ADAMTSL3: variants seen among roughly 807,000 people sequenced by gnomAD.
The protein encoded by ADAMTSL3 is ADAMTS-like protein 3.
A neutral mutation model predicts 201.7 loss-of-function variants in ADAMTSL3; 128 were observed. That is an observed-to-expected ratio of 0.63 (90% CI 0.55 to 0.73). ADAMTSL3 has a LOEUF of 0.73. ADAMTSL3 is among the 30% of genes least tolerant of loss of function. The pLI is 0.00. For synonymous variants in ADAMTSL3, 738 were observed against 748.4 expected, an observed-to-expected ratio of 0.99 and a Z score of 0.23; for missense variants, 1,990 against 2,119.6, an observed-to-expected ratio of 0.94 and a Z score of 1.20.
At chr15:83,728,970 C>T (rs1166748611) in intron 3 of ADAMTSL3, among the ~76,000 whole-genome samples, 1 of 152,018 alleles carries the variant, frequency 6.6e-6, no homozygotes, top group Non-Finnish European at 1.5e-5. Context: ...TTTTGTTTGT[C>T]TGGGAAAGTC....
intron 6 of ADAMTSL3, among the ~76,000 whole-genome samples, chr15:83,831,139 T>C (rs1417357059): frequency 6.6e-6 from 1 of 152,216 alleles, no homozygotes; most frequent in Non-Finnish European, 1.5e-5. Flanking sequence ...GTCTGCACCT[T>C]ACCTCCTCTT....
intron 4 of ADAMTSL3, among the ~76,000 whole-genome samples, chr15:83,787,056 A>G (rs1272775379): frequency 2.6e-5 from 4 of 152,106 alleles, no homozygotes; most frequent in Non-Finnish European, 5.9e-5. Flanking sequence ...TTTCCGCCTA[A>G]ATCATCCTTT....
chr15:83,735,644 G>A (rs1439098495), intron 3 of ADAMTSL3, among the ~76,000 whole-genome samples: 2 of 151,698 alleles, frequency 1.3e-5, no homozygotes, highest in Non-Finnish European at 2.9e-5. Flanking sequence ...GCTTGTGTTG[G>A]TAATCTCACT....
rs141413638 is a variant in ADAMTSL3 at position 83,714,104 on chromosome 15, AG to A, written c.189+9597del. Among the ~76,000 whole-genome samples the A allele has an allele frequency of 6.4e-4, 97 of 152,328 alleles. No homozygotes were observed. The East Asian group carries it at 0.016, about 25-fold the overall frequency. ...TTCTCTGTGTTTAGTTACCTTTGGT[AG>A]TACTCTTAATCTGCTTTTTGTGTAA... On this transcript the variant is annotated intron_variant, in intron 3 of 29. Coordinates refer to ENST00000286744, the MANE Select transcript of ADAMTSL3 (RefSeq NM_207517.3).
Position 83,763,185 on chromosome 15 carries a change from C to T in ADAMTSL3, c.190-10338C>T, listed in dbSNP as rs117551495. Among the ~76,000 whole-genome samples the T allele has an allele frequency of 5.4e-4, 82 of 152,310 alleles. No homozygotes were observed. The East Asian group carries it at 0.012, about 22-fold the overall frequency. On this transcript the variant is annotated intron_variant, in intron 3 of 29. Coordinates refer to ENST00000286744, the MANE Select transcript of ADAMTSL3 (RefSeq NM_207517.3). Reference sequence around the variant, plus strand: ...GGATTACAGGCATGAGCCACCACACCTGGACTTGATTTACTTTCAAGCTGA... The same window carrying T: ...GGATTACAGGCATGAGCCACCACACTTGGACTTGATTTACTTTCAAGCTGA...
intron 3 of ADAMTSL3, among the ~76,000 whole-genome samples, chr15:83,742,116 C>T (rs1054179422): frequency 1.3e-5 from 2 of 152,056 alleles, no homozygotes; most frequent in Non-Finnish European, 2.9e-5. Flanking sequence ...GTAAATTTCT[C>T]ATATAAGAGA....
rs1045922375 is a variant in ADAMTSL3 at position 83,680,399 on chromosome 15, G to A, written c.70-23990G>A. Among the ~76,000 whole-genome samples the A allele has an allele frequency of 4.6e-5, 7 of 151,818 alleles. No homozygotes were observed. In the East Asian group the frequency reaches 5.8e-4, roughly 13 times the overall value. ...TGGGTGATGGGCAAGGGGGACATGA[G>A]TATACACCATTTTGTCCATAATCCA... On this transcript the variant is annotated intron_variant, in intron 2 of 29. Coordinates refer to ENST00000286744, the MANE Select transcript of ADAMTSL3 (RefSeq NM_207517.3).
At chr15:83,655,684 T>C in intron 1 of ADAMTSL3, 45 bp from the exon 2 acceptor site, 10 of 1,420,008 alleles carry the variant, frequency 7.0e-6, no homozygotes, top group Non-Finnish European at 8.9e-6. Flanking sequence ...TTTACTGCCA[T>C]GGGGGCCAGA....
intron 9 of ADAMTSL3, among the ~76,000 whole-genome samples, chr15:83,877,636 G>A (rs1285987111): frequency 6.6e-6 from 1 of 152,088 alleles, no homozygotes; most frequent in Non-Finnish European, 1.5e-5. Context: ...AAATCTGCTG[G>A]ATTTTGATTG....
intron 19 of ADAMTSL3, among the ~76,000 whole-genome samples, chr15:83,953,009 G>A (rs1309645357): frequency 6.6e-6 from 1 of 152,112 alleles, no homozygotes; most frequent in Non-Finnish European, 1.5e-5. Context: ...TTCAGTCTAT[G>A]TGTATCTTTA....
intron 3 of ADAMTSL3, among the ~76,000 whole-genome samples, chr15:83,710,334 C>A (rs2061916622): frequency 6.6e-6 from 1 of 152,084 alleles, no homozygotes; most frequent in South Asian, 2.1e-4. Context: ...AATGCTTTTG[C>A]CTGTACTCTC....
In ADAMTSL3 at chr15:83,868,337, A is replaced by G. The variant is rs557948070; in HGVS notation, c.803-2465A>G. ...AAAACTTAAAGGTATCCATAAGTCA[A>G]TACATCATCTGAATTGTTGATTGAA... On this transcript the variant is annotated intron_variant, in intron 8 of 29. Transcript: ENST00000286744. Among the ~76,000 whole-genome samples the G allele has an allele frequency of 3.5e-4, 53 of 152,346 alleles. No individual in the cohort carries two copies. In the South Asian group the frequency reaches 8.7e-3, roughly 25 times the overall value.
At chr15:83,770,626 A>G (rs907494188) in intron 3 of ADAMTSL3, among the ~76,000 whole-genome samples, 6 of 152,206 alleles carry the variant, frequency 3.9e-5, no homozygotes, top group African/African-American at 1.2e-4. Flanking sequence ...AGTCTTTCCT[A>G]TACAACTATT....
At chr15:83,835,224 A>T (rs2064242499) in intron 6 of ADAMTSL3, among the ~76,000 whole-genome samples, 1 of 113,684 alleles carries the variant, frequency 8.8e-6, no homozygotes, top group South Asian at 3.4e-4. Flanking sequence ...GCAGAGCAAG[A>T]CTCTGTCTCA....
intron 7 of ADAMTSL3, among the ~76,000 whole-genome samples, chr15:83,853,904 ATCTCTATCTATC>A (rs1310409026): frequency 8.8e-6 from 1 of 113,868 alleles, no homozygotes; most frequent in African/African-American, 3.4e-5. Context: ...CTATCACTCT[ATCTCTATCTATC>A]TATCTATCTA....
intron 5 of ADAMTSL3, among the ~76,000 whole-genome samples, chr15:83,819,207 G>C (rs897589386): frequency 6.8e-6 from 1 of 147,342 alleles, no homozygotes; most frequent in African/African-American, 2.5e-5. Context: ...GGAGGCGGAG[G>C]TTGCAGTGAG....
chr15:83,783,841 G>GTGTA (rs1374785891), intron 4 of ADAMTSL3, among the ~76,000 whole-genome samples: 4 of 151,002 alleles, frequency 2.6e-5, no homozygotes, highest in African/African-American at 9.7e-5. Context: ...TATACTCTGT[G>GTGTA]TGTGTGTGTG....
chr15:83,965,359 A>G (rs1457357120), intron 19 of ADAMTSL3, among the ~76,000 whole-genome samples: 5 of 151,196 alleles, frequency 3.3e-5, no homozygotes, highest in East Asian at 1.9e-4. Context: ...CAAAAAAAAA[A>G]AAAAAAAAAG....
intron 14 of ADAMTSL3, among the ~76,000 whole-genome samples, chr15:83,898,984 T>C (rs1270308581): frequency 6.6e-6 from 1 of 152,214 alleles, no homozygotes; most frequent in Non-Finnish European, 1.5e-5. Flanking sequence ...CTTCTGCATT[T>C]ATGATACTTT....
Sources: gnomAD v4.1 joint callset for allele counts (sites outside exome capture counted in the v4.1 genomes callset) on GRCh38, gnomAD v4.1.1 for gene constraint, MANE v1.5 for transcripts, NCBI Gene and HGNC (gene_info 2026-07-23, HGNC 2026-07-21) for gene names.